DLGAP1: variants seen among roughly 807,000 people sequenced by gnomAD.
The protein encoded by DLGAP1 is DLG associated protein 1, also known as disks large-associated protein 1.
DLGAP1 carries 11 observed loss-of-function variants against 90.8 expected under a neutral mutation model. The ratio of observed to expected loss-of-function variants is 0.12; its 90% confidence interval spans 0.08 to 0.20. DLGAP1 has a LOEUF of 0.20. Ranked by LOEUF, DLGAP1 falls within the 10% of genes least tolerant of loss-of-function variation. The pLI is 1.00. For synonymous variants in DLGAP1, 558 were observed against 540.7 expected (o/e 1.03, Z -0.44); for missense variants, 1,050 against 1,333.8 (o/e 0.79, Z 3.31).
At chr18:3,912,845 T>C (rs2072065175) in intron 3 of DLGAP1, among the ~76,000 whole-genome samples, 1 of 152,160 alleles carries the variant, frequency 6.6e-6, no homozygotes, top group African/African-American at 2.4e-5. Flanking sequence ...AATATTGTGA[T>C]TTGAAAAAGT....
rs139112287 is a variant in DLGAP1 at position 3,830,833 on chromosome 18, A to G, written c.958-16560T>C. Among the ~76,000 whole-genome samples the G allele has an allele frequency of 7.9e-3, 1,202 of 152,366 alleles. 7 individuals carry two copies. The highest frequency in any genetic ancestry group is 0.012 in the Non-Finnish European group (809 of 68,036). ...AGGGATGATGTCATTTGTCTGGCAGAGACCAATATTCATTCCTATAATTCT... is the reference window on the plus strand; with the variant it reads ...AGGGATGATGTCATTTGTCTGGCAGGGACCAATATTCATTCCTATAATTCT... On this transcript the variant is annotated intron_variant, in intron 4 of 12. Coordinates refer to ENST00000315677, the MANE Select transcript of DLGAP1 (RefSeq NM_004746.4).
intron 2 of DLGAP1, among the ~76,000 whole-genome samples, chr18:4,150,331 A>T (rs1188471029): frequency 1.3e-5 from 2 of 152,208 alleles, no homozygotes; most frequent in Non-Finnish European, 2.9e-5. Context: ...CAAAAACTAC[A>T]TAATGAAAGG....
At chr18:4,418,063 C>T (rs1427388608) in intron 1 of DLGAP1, among the ~76,000 whole-genome samples, 2 of 152,154 alleles carry the variant, frequency 1.3e-5, no homozygotes, top group Non-Finnish European at 2.9e-5. Flanking sequence ...AACCCAGCCT[C>T]AATCCTAAAA....
At chr18:4,379,263 G>C (rs941415565) in intron 1 of DLGAP1, among the ~76,000 whole-genome samples, 1 of 152,136 alleles carries the variant, frequency 6.6e-6, no homozygotes. Context: ...GAAGAGTAGA[G>C]GAGATGGGAC....
At chr18:4,441,834 A>G (rs1003155749) in intron 1 of DLGAP1, among the ~76,000 whole-genome samples, 6 of 152,056 alleles carry the variant, frequency 3.9e-5, no homozygotes, top group Non-Finnish European at 8.8e-5. Context: ...TTTCCATTTC[A>G]CTCTACGATT....
intron 5 of DLGAP1, among the ~76,000 whole-genome samples, chr18:3,781,889 A>G (rs1316277259): frequency 6.6e-6 from 1 of 152,200 alleles, no homozygotes; most frequent in African/African-American, 2.4e-5. Flanking sequence ...GGATTCAACT[A>G]CTTCTCATCT....
At chr18:3,656,367 G>A in intron 7 of DLGAP1, 1 of 457,406 alleles carries the variant, frequency 2.2e-6, no homozygotes, top group Non-Finnish European at 3.9e-6. Context: ...CATGTTTTTG[G>A]ATGGGACAAA....
At position 3,689,826 on chromosome 18, in the gene DLGAP1, G is replaced by T. The variant is rs529364405; in HGVS notation, c.1591+39309C>A. Among the ~76,000 whole-genome samples, 1,003 of 152,210 alleles carry T rather than the reference G, an allele frequency of 6.6e-3. 4 individuals are homozygous for T. Among genetic ancestry groups the T allele is most frequent in the Non-Finnish European group, 8.7e-3 (591 of 68,010 alleles). ...TTCTGGATCAATTAGAATTAAAGAGGTTTCTTGATTGTAGGGTTTCTTAGA... is the reference window on the plus strand; with the variant it reads ...TTCTGGATCAATTAGAATTAAAGAGTTTTCTTGATTGTAGGGTTTCTTAGA... On this transcript the variant is annotated intron_variant, in intron 7 of 12. Coordinates refer to ENST00000315677, the MANE Select transcript of DLGAP1 (RefSeq NM_004746.4).
chr18:4,139,514 A>T (rs996108305), intron 2 of DLGAP1, among the ~76,000 whole-genome samples: 3 of 151,970 alleles, frequency 2.0e-5, no homozygotes, highest in Non-Finnish European at 4.4e-5. Context: ...TGATGTTTTA[A>T]GACTTGCTTT....
intron 1 of DLGAP1, among the ~76,000 whole-genome samples, chr18:4,396,658 C>T (rs1395175288): frequency 1.3e-5 from 2 of 152,118 alleles, no homozygotes; most frequent in East Asian, 1.9e-4. Flanking sequence ...AAGGTAGAAA[C>T]TCATGCTAGG....
intron 3 of DLGAP1, among the ~76,000 whole-genome samples, chr18:3,891,740 A>T (rs1371901456): frequency 6.6e-6 from 1 of 152,172 alleles, no homozygotes; most frequent in African/African-American, 2.4e-5. Context: ...TAAAGAGGAA[A>T]TAACTTGTCT....
rs530794095 is a variant in DLGAP1 at position 4,256,957 on chromosome 18, T to C, written c.-266-105670A>G. The stretch of plus-strand genomic sequence containing the variant: ...AGCACAGAGCACGTGTGAACAGCAC[T>C]GTCAACACTCACACAGTGTGACTCT... On this transcript the variant is annotated intron_variant, in intron 1 of 12. Coordinates refer to ENST00000315677, the MANE Select transcript of DLGAP1 (RefSeq NM_004746.4). 9.9e-5 allele frequency among the ~76,000 whole-genome samples: 15 copies of C among 152,278 alleles called. No homozygotes were observed. In the East Asian group the frequency reaches 2.9e-3, roughly 29 times the overall value.
intron 10 of DLGAP1, among the ~76,000 whole-genome samples, chr18:3,524,271 T>A (rs901305148): frequency 1.3e-5 from 2 of 151,822 alleles, no homozygotes; most frequent in Non-Finnish European, 2.9e-5. Context: ...TGAGACCTTG[T>A]TTCAATTAAA....
At chr18:4,058,757 T>C (rs546272289) in intron 2 of DLGAP1, among the ~76,000 whole-genome samples, 1 of 152,320 alleles carries the variant, frequency 6.6e-6, no homozygotes, top group South Asian at 2.1e-4. Flanking sequence ...CCATGCCCTT[T>C]TCAATATGCC....
chr18:3,561,266 C>CAAAAAAA (rs71159092), intron 9 of DLGAP1, among the ~76,000 whole-genome samples: 1 of 110,476 alleles, frequency 9.1e-6, no homozygotes, highest in Non-Finnish European at 1.9e-5. Flanking sequence ...AAAAAAAAAA[C>CAAAAAAA]AAAAAAAAAA....
rs1567965755 is a variant in DLGAP1 at position 3,688,660 on chromosome 18, CACACACA to C, written c.1591+40468_1591+40474del. ...ACACACACACACACACACACACACA[CACACACA>C]CCCTACCAAAAATAAGAAACAAAAC... is the stretch of plus-strand genomic sequence containing the variant. On this transcript the variant is annotated intron_variant, in intron 7 of 12. Transcript: ENST00000315677. Among the ~76,000 whole-genome samples the C allele has an allele frequency of 4.5e-4, 30 of 67,002 alleles. No individual in the cohort carries two copies. The South Asian group carries it at 5.5e-3, about 12-fold the overall frequency. The allele number at this position is 67,002 out of a possible 152,430, so 44.0% of individuals were successfully genotyped here. A position where few individuals can be genotyped will look rare whatever the true frequency, so the allele number is the denominator to read the frequency against.
intron 7 of DLGAP1, among the ~76,000 whole-genome samples, chr18:3,663,010 G>A (rs1343484015): frequency 6.6e-6 from 1 of 151,970 alleles, no homozygotes; most frequent in Non-Finnish European, 1.5e-5. Flanking sequence ...CGTGGCTCAC[G>A]CCTGTAATCC....
chr18:4,070,059 T>G, intron 2 of DLGAP1, among the ~76,000 whole-genome samples: 1 of 152,084 alleles, frequency 6.6e-6, no homozygotes, highest in Non-Finnish European at 1.5e-5. Context: ...CTCATCTCAC[T>G]GAAACCTCCA....
chr18:4,132,918 A>T (rs1302520515), intron 2 of DLGAP1, among the ~76,000 whole-genome samples: 2 of 152,198 alleles, frequency 1.3e-5, no homozygotes, highest in African/African-American at 4.8e-5. Flanking sequence ...TTACACATTT[A>T]TTGAGCATTT....
Sources: gnomAD v4.1 joint callset for allele counts (sites outside exome capture counted in the v4.1 genomes callset) on GRCh38, gnomAD v4.1.1 for gene constraint, MANE v1.5 for transcripts, NCBI Gene and HGNC (gene_info 2026-07-23, HGNC 2026-07-21) for gene names.